The following PRF1 variants were observed in gnomAD, a reference collection of about 807,000 sequenced individuals.
PRF1 encodes perforin 1, also known as perforin-1.
Under a neutral mutation model 11.7 loss-of-function variants are expected in PRF1, and 11 were observed. The observed-to-expected ratio is 0.94, with a 90% confidence interval of 0.59 to 1.56. The LOEUF is 1.56. Among genes scored for constraint, PRF1 ranks in the 40% most tolerant of loss-of-function variants. PRF1 has a pLI of 0.00. For missense variants in PRF1, 729 were observed against 751.0 expected (o/e 0.97, Z 0.34); for synonymous variants, 314 against 327.8 (o/e 0.96, Z 0.45).
chr10:70,597,821 G>C lies in PRF1; in HGVS notation c.*232C>G. The C allele has an allele frequency of 1.6e-6, 1 of 611,486 alleles. No homozygotes were observed. Among genetic ancestry groups the C allele is most frequent in the Non-Finnish European group, 2.9e-6 (1 of 348,958 alleles). 37.9% of individuals were successfully genotyped at this position (611,486 alleles called of 1,614,324 possible). ...GTTGGGCCACATGTAAAATCCACTA[G>C]CACTAACGATAGCCGATGAGCTAAA... On this transcript the variant is annotated 3_prime_UTR_variant, in exon 3 of 3. Coordinates refer to ENST00000441259, the MANE Select transcript of PRF1 (RefSeq NM_001083116.3).
At chr10:70,599,691 C>T (rs902135417) in intron 2 of PRF1, among the ~76,000 whole-genome samples, 8 of 152,150 alleles carry the variant, frequency 5.3e-5, no homozygotes, top group African/African-American at 1.7e-4. Flanking sequence ...CCATCCGTCC[C>T]CCTGGATGGG....
chr10:70,600,657 C>T lies in PRF1; in HGVS notation c.246G>A (p.Glu82=). ...TCTLCENALQ[E]GTLQRLPLAL... ...CCAGAGGCAGGCGCTGGAGGGTGCC[C>T]TCCTGTAGGGCATTTTCACAGAGGG... The change falls in exon 2 of 3, where the codon GAG becomes GAA. Residue 82 remains glutamate (E), a synonymous_variant. Transcript: ENST00000441259. This position sits in a 1 kb window ranked among gnomAD's most constrained non-coding sequence, Gnocchi z 4.9. 6.2e-7 allele frequency: 1 copy of T among 1,613,752 alleles called. No homozygotes were observed. Among genetic ancestry groups the T allele is most frequent in the Non-Finnish European group, 8.5e-7 (1 of 1,179,882 alleles).
Position 70,597,913 on chromosome 10 carries a change from C to T in PRF1, c.*140G>A, listed in dbSNP as rs890227072. The T allele has an allele frequency of 8.4e-6, 9 of 1,069,980 alleles. No individual in the cohort carries two copies. The highest frequency in any genetic ancestry group is 4.7e-5 in the African/African-American group (3 of 63,298). 66.3% of individuals were successfully genotyped at this position (1,069,980 alleles called of 1,614,324 possible). A position where few individuals can be genotyped will look rare whatever the true frequency, so the allele number is the denominator to read the frequency against. The stretch of plus-strand genomic sequence containing the variant: ...GAAAGTTTGCGAATTTGCGTTGGGC[C>T]GCATTCAAAGCCATCCTGGGCCGCA... On this transcript the variant is annotated 3_prime_UTR_variant, in exon 3 of 3. Transcript: ENST00000441259.
rs1848144325 is a variant in PRF1 at position 70,597,713 on chromosome 10, AAC to A, written c.*338_*339del. ...TGTAAACCCAGCCACCTCCCTGAAA[AAC>A]AGTCTGAATCTCCCTTTTCCATCTG... On this transcript the variant is annotated 3_prime_UTR_variant, in exon 3 of 3. Coordinates refer to ENST00000441259, the MANE Select transcript of PRF1 (RefSeq NM_001083116.3). 1 of 593,998 alleles carries A rather than the reference AAC, an allele frequency of 1.7e-6. No homozygotes were observed. 36.8% of individuals were successfully genotyped at this position (593,998 alleles called of 1,614,324 possible).
Position 70,598,582 on chromosome 10 carries a change from G to A in PRF1, c.1139C>T (p.Pro380Leu), listed in dbSNP as rs530097547. 1.4e-5 allele frequency: 22 copies of A among 1,612,500 alleles called. No individual in the cohort carries two copies. The highest frequency in any genetic ancestry group is 1.3e-4 in the African/African-American group (10 of 75,030). ...DRARWRDCSR[P>L]CPPGRQKSPR... ...GCTCTTCTGCCGCCCTGGTGGGCACGGCCGGCTGCAGTCCCTCCAGCGAGC... is the reference window on the plus strand; with the variant it reads ...GCTCTTCTGCCGCCCTGGTGGGCACAGCCGGCTGCAGTCCCTCCAGCGAGC... The change falls in exon 3 of 3, where the codon CCG becomes CTG. Residue 380 changes from proline (P) to leucine (L), a missense_variant. By Grantham distance (98) the Pro-to-Leu change is moderately conservative. Coordinates refer to ENST00000441259, the MANE Select transcript of PRF1 (RefSeq NM_001083116.3).
rs960151195 is a variant in PRF1 at position 70,597,839 on chromosome 10, G to T, written c.*214C>A. On this transcript the variant is annotated 3_prime_UTR_variant, in exon 3 of 3. Coordinates refer to ENST00000441259, the MANE Select transcript of PRF1 (RefSeq NM_001083116.3). ...TCCACTAGCACTAACGATAGCCGAT[G>T]AGCTAAAAAAAAAAAAAAAATAGCA... The T allele has an allele frequency of 6.5e-6, 4 of 612,874 alleles. No homozygotes were observed. The highest frequency in any genetic ancestry group is 1.1e-5 in the Non-Finnish European group (4 of 357,222). 38.0% of individuals were successfully genotyped at this position (612,874 alleles called of 1,614,324 possible).
rs756164148 is a variant in PRF1 at position 70,600,724 on chromosome 10, G to C, written c.179C>G (p.Pro60Arg). ...VTSLRRSGSF[P>R]VDTQRFLRPD... Reference sequence around the variant, plus strand: ...CCGCAGGAACCTTTGTGTGTCCACTGGGAAGGAGCCCGAGCGGCGGAGGCT... The same window carrying C: ...CCGCAGGAACCTTTGTGTGTCCACTCGGAAGGAGCCCGAGCGGCGGAGGCT... The change falls in exon 2 of 3, where the codon CCA (proline) becomes CGA (arginine). Residue 60 changes from proline to arginine, a missense_variant. Transcript: ENST00000441259. This position sits in a 1 kb window ranked among gnomAD's most constrained non-coding sequence, Gnocchi z 4.9. 6.2e-7 allele frequency: 1 copy of C among 1,613,854 alleles called. No individual in the cohort carries two copies. The highest frequency in any genetic ancestry group is 1.1e-5 in the South Asian group (1 of 91,062).
rs901882400 is a variant in PRF1 at position 70,600,837 on chromosome 10, C to T, written c.66G>A (p.Pro22=). ...LLLLPLPVPA[P]CHTAARSECK... ...ACTCTGAGCGTGCGGCTGTGTGGCA[C>T]GGGGCAGGGACGGGCAGGGGCAGCA... The change falls in exon 2 of 3, where the codon CCG becomes CCA. Residue 22 remains proline (P), a synonymous_variant. Transcript: ENST00000441259. The surrounding 1 kb of genome is among the most constrained non-coding windows in gnomAD (Gnocchi z 4.9). 36 of 1,611,892 alleles carry T rather than the reference C, an allele frequency of 2.2e-5. No individual in the cohort carries two copies. In the East Asian group the frequency reaches 3.8e-4, roughly 17 times the overall value.
chr10:70,599,496 C>A (rs1848187257), intron 2 of PRF1, among the ~76,000 whole-genome samples: 1 of 152,116 alleles, frequency 6.6e-6, no homozygotes. Context: ...ATGCCTGTAA[C>A]CCCAGCACTT....
intron 1 of PRF1, among the ~76,000 whole-genome samples, chr10:70,601,135 G>A (rs1179572753): frequency 6.6e-6 from 1 of 152,202 alleles, no homozygotes; most frequent in East Asian, 1.9e-4. Flanking sequence ...GCCCAGCCAA[G>A]GGGAGCCCCT....
In PRF1 at chr10:70,598,009, C is replaced by T. The variant is rs745582641; in HGVS notation, c.*44G>A. ...ACAGCCCTGGCTCCCACTGTGAGAA[C>T]CCCTTCAGTCCAAGCATACTGGTCC... On this transcript the variant is annotated 3_prime_UTR_variant, in exon 3 of 3. Coordinates refer to ENST00000441259, the MANE Select transcript of PRF1 (RefSeq NM_001083116.3). 4 of 1,604,730 alleles carry T rather than the reference C, an allele frequency of 2.5e-6. No homozygotes were observed. The highest frequency in any genetic ancestry group is 3.4e-6 in the Non-Finnish European group (4 of 1,178,874).
rs775107468 is a variant in PRF1, at chr10:70,600,344, C to T, written c.539+20G>A. ...TTCCCGCGCCTTTTCCAGCCCCCCA[C>T]CCCTAGCCCCAGCTCTCACCTGTAG... is the stretch of plus-strand genomic sequence containing the variant. On this transcript the variant is annotated intron_variant, in intron 2 of 2. Coordinates refer to ENST00000441259, the MANE Select transcript of PRF1 (RefSeq NM_001083116.3). The surrounding 1 kb of genome is among the most constrained non-coding windows in gnomAD (Gnocchi z 4.9). 1.2e-6 allele frequency: 2 copies of T among 1,613,964 alleles called. No individual in the cohort carries two copies. Among genetic ancestry groups the T allele is most frequent in the South Asian group, 1.1e-5 (1 of 91,068 alleles).
In PRF1 at chr10:70,598,903, G is replaced by A; in HGVS notation, c.818C>T (p.Ser273Phe). 1 of 1,614,274 alleles carries A rather than the reference G, an allele frequency of 6.2e-7. No individual in the cohort carries two copies. The highest frequency in any genetic ancestry group is 8.5e-7 in the Non-Finnish European group (1 of 1,180,046). Reference protein sequence around the residue: ...QVNIGIHGSISAEAKACEEKK... With the variant: ...QVNIGIHGSIFAEAKACEEKK... ...CTCCTCACAGGCCTTGGCTTCGGCA[G>A]AGATGCTGCCGTGGATGCCTATGTT... is the stretch of plus-strand genomic sequence containing the variant. Residue 273 changes from serine (S) to phenylalanine (F), a missense_variant, in exon 3 of 3, where the codon TCT becomes TTT. Transcript: ENST00000441259.
rs147051158 is a variant in PRF1, at chr10:70,600,824, C to T, written c.79G>A (p.Ala27Thr). Reference protein sequence around the residue: ...LPVPAPCHTAARSECKRSHKF... With the variant: ...LPVPAPCHTATRSECKRSHKF... ...TGGCTGCGCTTGCACTCTGAGCGTGCGGCTGTGTGGCACGGGGCAGGGACG... is the reference window on the plus strand; with the variant it reads ...TGGCTGCGCTTGCACTCTGAGCGTGTGGCTGTGTGGCACGGGGCAGGGACG... Residue 27 changes from alanine to threonine, a missense_variant, in exon 2 of 3, where the codon GCA becomes ACA. Physicochemically the swap from Ala to Thr is moderately conservative, Grantham distance 58. Coordinates refer to ENST00000441259, the MANE Select transcript of PRF1 (RefSeq NM_001083116.3). The surrounding 1 kb of genome is among the most constrained non-coding windows in gnomAD (Gnocchi z 4.9). The T allele has an allele frequency of 9.5e-5, 153 of 1,612,022 alleles. No homozygotes were observed. The highest frequency in any genetic ancestry group is 5.9e-4 in the Admixed American group (35 of 59,820).
Position 70,597,589 on chromosome 10 carries a change from C to T in PRF1, c.*464G>A, listed in dbSNP as rs1277088397. On this transcript the variant is annotated 3_prime_UTR_variant, in exon 3 of 3. Coordinates refer to ENST00000441259, the MANE Select transcript of PRF1 (RefSeq NM_001083116.3). ...GGGAACAGCCTCTTGGCCTTCTGCC[C>T]AGCTCCTGGCTGAAGCTGTGATCTG... is the stretch of plus-strand genomic sequence containing the variant. The T allele has an allele frequency of 8.3e-6, 4 of 481,982 alleles. No homozygotes were observed. The highest frequency in any genetic ancestry group is 7.5e-5 in the Admixed American group (2 of 26,664). 29.9% of individuals were successfully genotyped at this position (481,982 alleles called of 1,614,324 possible).
chr10:70,598,128 TC>T lies in PRF1; in HGVS notation c.1592del (p.Gly531GlufsTer82). The T allele has an allele frequency of 6.2e-7, 1 of 1,614,092 alleles. No individual in the cohort carries two copies. Among genetic ancestry groups the T allele is most frequent in the Non-Finnish European group, 8.5e-7 (1 of 1,180,020 alleles). On this transcript the variant is annotated frameshift_variant, in exon 3 of 3. Coordinates refer to ENST00000441259, the MANE Select transcript of PRF1 (RefSeq NM_001083116.3). LOFTEE classifies it high-confidence loss of function. ...YHARCLPHLG[G>X]GTCLDYVPQM... ...GGGGGACATAGTCCAGGCAGGTGCC[TC>T]CTCCCAGGTGGGGCAAGCACCTGGC...
rs1848200179 is a variant in PRF1 at position 70,600,253 on chromosome 10, G to T, written c.539+111C>A. 6.6e-7 allele frequency: 1 copy of T among 1,524,936 alleles called. No homozygotes were observed. The highest frequency in any genetic ancestry group is 8.8e-7 in the Non-Finnish European group (1 of 1,138,182). 94.5% of individuals were successfully genotyped at this position (1,524,936 alleles called of 1,614,324 possible). ...GAGCCAGGATTGCAGTTTCTTCCTG[G>T]TGGAAGCAGCCTCCAAGTTTGATTG... On this transcript the variant is annotated intron_variant, in intron 2 of 2. Transcript: ENST00000441259. This position sits in a 1 kb window ranked among gnomAD's most constrained non-coding sequence, Gnocchi z 4.9.
Position 70,600,779 on chromosome 10 carries a change from A to G in PRF1, c.124T>C (p.Trp42Arg), listed in dbSNP as rs1848219012. Residue 42 changes from tryptophan to arginine, a missense_variant, in exon 2 of 3, where the codon TGG becomes CGG. Transcript: ENST00000441259. The surrounding 1 kb of genome is among the most constrained non-coding windows in gnomAD (Gnocchi z 4.9). ...ACGTCCACACCCTCCCCGGCCAGCC[A>G]TGCACCAGGCACGAACTTGTGGCTG... ...KRSHKFVPGA[W>R]LAGEGVDVTS... The G allele has an allele frequency of 1.2e-6, 2 of 1,611,104 alleles. No homozygotes were observed. The highest frequency in any genetic ancestry group is 1.7e-6 in the Non-Finnish European group (2 of 1,178,120).
rs764596094 is a variant in PRF1, at chr10:70,598,279, T to G, written c.1442A>C (p.Gln481Pro). The G allele has an allele frequency of 3.1e-6, 5 of 1,614,080 alleles. No individual in the cohort carries two copies. The Admixed American group carries it at 6.7e-5, about 22-fold the overall frequency. ...CCTGCCAGAGTCCTGATCCCAGACCTGCAACCTCAGGGGCCCCCCTGTGGC... is the reference window on the plus strand; with the variant it reads ...CCTGCCAGAGTCCTGATCCCAGACCGGCAACCTCAGGGGCCCCCCTGTGGC... ...LLATGGPLRL[Q>P]VWDQDSGRDD... is the part of the protein sequence containing the mutation. Residue 481 changes from glutamine to proline, a missense_variant, in exon 3 of 3, where the codon CAG becomes CCG. Gln to Pro is a moderately conservative substitution (Grantham distance 76). Transcript: ENST00000441259.
Sources: allele counts gnomAD v4.1 joint callset (sites outside exome capture counted in the v4.1 genomes callset), GRCh38; gene constraint gnomAD v4.1.1; non-coding constraint Gnocchi (gnomAD v3.1); transcripts MANE v1.5; gene names NCBI Gene and HGNC (gene_info 2026-07-23, HGNC 2026-07-21).